Variants in CSMD1 observed in about 807,000 individuals in gnomAD.
The protein encoded by CSMD1 is CUB and sushi domain-containing protein 1.
CSMD1 carries 213 observed loss-of-function variants against 417.5 expected under a neutral mutation model. The ratio of observed to expected loss-of-function variants is 0.51; its 90% CI spans 0.46 to 0.57. The LOEUF (loss-of-function observed/expected upper bound fraction) is 0.57. Ranked by LOEUF, CSMD1 falls within the 20% of genes least tolerant of loss-of-function variation. The probability of loss-of-function intolerance (pLI) is 0.00; values close to 1 mark genes in which losing one functional copy is unlikely to be tolerated. For synonymous variants in CSMD1, 2,862 were observed against 1,736.8 expected, an observed-to-expected ratio of 1.65 and a Z score of -16.11; for missense variants, 6,923 against 4,529.7, an observed-to-expected ratio of 1.53 and a Z score of -15.17.
chr8:3,487,976 C>A (rs566552940), intron 11 of CSMD1, among the ~76,000 whole-genome samples: 1 of 151,188 alleles, frequency 6.6e-6, no homozygotes, highest in Non-Finnish European at 1.5e-5. Flanking sequence ...AATTTACTTT[C>A]CAGACACAGA....
intron 3 of CSMD1, among the ~76,000 whole-genome samples, chr8:4,034,891 G>A (rs1298352949): frequency 6.6e-6 from 1 of 152,074 alleles, no homozygotes; most frequent in Non-Finnish European, 1.5e-5. Context: ...AAATAAATCT[G>A]CTAAAGATAA....
intron 4 of CSMD1, among the ~76,000 whole-genome samples, chr8:4,010,012 C>T (rs746478047): frequency 1.3e-5 from 2 of 152,178 alleles, no homozygotes; most frequent in Non-Finnish European, 2.9e-5. Flanking sequence ...TCTTCCTATG[C>T]TCCTGAATGT....
At chr8:3,885,255 A>C (rs1196554966) in intron 5 of CSMD1, among the ~76,000 whole-genome samples, 2 of 152,136 alleles carry the variant, frequency 1.3e-5, no homozygotes, top group African/African-American at 4.8e-5. Context: ...AATCCTGAAA[A>C]GCCTCTAGCA....
intron 49 of CSMD1, among the ~76,000 whole-genome samples, chr8:3,065,704 G>A (rs976567353): frequency 6.6e-6 from 1 of 152,162 alleles, no homozygotes; most frequent in African/African-American, 2.4e-5. Flanking sequence ...GAGAAAGAAA[G>A]ATGATAGATA....
intron 5 of CSMD1, among the ~76,000 whole-genome samples, chr8:3,789,836 A>G (rs1183684080): frequency 6.8e-6 from 1 of 146,930 alleles, no homozygotes; most frequent in Non-Finnish European, 1.5e-5. Flanking sequence ...GGGTTGCACC[A>G]TTCTCCTGCC....
At chr8:3,731,684 G>C (rs901653577) in intron 6 of CSMD1, among the ~76,000 whole-genome samples, 2 of 152,134 alleles carry the variant, frequency 1.3e-5, no homozygotes, top group African/African-American at 2.4e-5. Flanking sequence ...CAACAATTGA[G>C]GAAACAAAGT....
intron 1 of CSMD1, among the ~76,000 whole-genome samples, chr8:4,852,873 G>T (rs887229817): frequency 1.3e-5 from 2 of 152,154 alleles, no homozygotes; most frequent in Admixed American, 6.5e-5. Flanking sequence ...TGGTTGCATT[G>T]TTTTCAGGCC....
intron 17 of CSMD1, among the ~76,000 whole-genome samples, chr8:3,388,283 G>A (rs1811136032): frequency 6.6e-6 from 1 of 152,108 alleles, no homozygotes; most frequent in Non-Finnish European, 1.5e-5. Flanking sequence ...GCTAACGATG[G>A]GAAAAATTAA....
intron 1 of CSMD1, among the ~76,000 whole-genome samples, chr8:4,875,718 C>T (rs1803002720): frequency 6.6e-6 from 1 of 152,042 alleles, no homozygotes; most frequent in Admixed American, 6.6e-5. Context: ...AAGATAAATA[C>T]TAACAAATAT....
chr8:4,394,379 C>A (rs1477769538), intron 3 of CSMD1, among the ~76,000 whole-genome samples: 2 of 152,170 alleles, frequency 1.3e-5, no homozygotes, highest in Non-Finnish European at 2.9e-5. Flanking sequence ...ATCATGAGCT[C>A]CACTAGAAAT....
At chr8:3,152,848 C>G (rs2129036359) in intron 39 of CSMD1, among the ~76,000 whole-genome samples, 1 of 152,298 alleles carries the variant, frequency 6.6e-6, no homozygotes, top group Non-Finnish European at 1.5e-5. Context: ...GCGGAAGACA[C>G]ACCAGCAAAT....
intron 2 of CSMD1, among the ~76,000 whole-genome samples, chr8:4,425,038 A>G (rs545633979): frequency 4.6e-5 from 7 of 152,138 alleles, no homozygotes; most frequent in African/African-American, 1.7e-4. Context: ...AAGTTGAACA[A>G]AAACTATTGA....
chr8:3,676,896 C>T (rs1180452145), intron 7 of CSMD1, among the ~76,000 whole-genome samples: 1 of 152,008 alleles, frequency 6.6e-6, no homozygotes, highest in Non-Finnish European at 1.5e-5. Context: ...AGCAAATTAA[C>T]ACAAGAACAG....
intron 33 of CSMD1, among the ~76,000 whole-genome samples, chr8:3,195,044 T>G: frequency 6.6e-6 from 1 of 152,176 alleles, no homozygotes; most frequent in Admixed American, 6.5e-5. Flanking sequence ...ATCCTTGCAG[T>G]TTACTCATTT....
intron 10 of CSMD1, among the ~76,000 whole-genome samples, chr8:3,494,402 C>T (rs915988757): frequency 2.0e-5 from 3 of 151,618 alleles, no homozygotes; most frequent in Admixed American, 2.0e-4. Context: ...CCTTTGGTGG[C>T]CAATACTATG....
intron 3 of CSMD1, among the ~76,000 whole-genome samples, chr8:4,334,138 C>G (rs1297167316): frequency 2.0e-5 from 3 of 152,102 alleles, no homozygotes; most frequent in African/African-American, 7.2e-5. Context: ...AACTCCCGAA[C>G]TCAAGATATC....
intron 5 of CSMD1, among the ~76,000 whole-genome samples, chr8:3,841,373 T>C (rs189660911): frequency 1.7e-4 from 26 of 152,264 alleles, no homozygotes; most frequent in African/African-American, 6.3e-4. Flanking sequence ...CGTTATGTGG[T>C]TCTCAACCTC....
chr8:4,445,752 G>A (rs892448729), intron 2 of CSMD1, among the ~76,000 whole-genome samples: 1 of 152,042 alleles, frequency 6.6e-6, no homozygotes, highest in Non-Finnish European at 1.5e-5. Context: ...AATAATAGAC[G>A]GTCCTGAGAA....
intron 3 of CSMD1, among the ~76,000 whole-genome samples, chr8:4,308,770 A>G (rs542665089): frequency 6.6e-6 from 1 of 152,212 alleles, no homozygotes; most frequent in Non-Finnish European, 1.5e-5. Context: ...TGATGACTAA[A>G]GATTATTTAC....
Sources: gnomAD v4.1 joint callset for allele counts (sites outside exome capture counted in the v4.1 genomes callset) on GRCh38, gnomAD v4.1.1 for gene constraint, MANE v1.5 for transcripts, NCBI Gene and HGNC (gene_info 2026-07-23, HGNC 2026-07-21) for gene names.